Variants in ARIH1 observed in about 807,000 individuals in gnomAD.
ARIH1 encodes E3 ubiquitin-protein ligase ARIH1.
A neutral mutation model predicts 85.0 loss-of-function variants in ARIH1; 8 were observed. The ratio of observed to expected loss-of-function variants is 0.09; its 90% confidence interval spans 0.06 to 0.17. The LOEUF is 0.17. ARIH1 is among the 10% of genes least tolerant of loss of function. The pLI, the probability that ARIH1 is intolerant of heterozygous loss-of-function variation, is 1.00. For missense variants in ARIH1, 311 were observed against 718.1 expected (o/e 0.43, Z 6.48); for synonymous variants, 238 against 253.6 (o/e 0.94, Z 0.59).
In ARIH1 at chr15:72,587,341, T is replaced by C. The variant is rs1219750151; in HGVS notation, c.*4049T>C. 4.2e-6 allele frequency: 2 copies of C among 481,642 alleles called. No homozygotes were observed. The highest frequency in any genetic ancestry group is 8.6e-6 in the Non-Finnish European group (2 of 231,602). 29.8% of individuals were successfully genotyped at this position (481,642 alleles called of 1,614,324 possible). ...TACTTTTAAACCACATTAAAGACTA[T>C]TATAAATGCCTATCACTGCTACTGT... is the stretch of plus-strand genomic sequence containing the variant. On this transcript the variant is annotated 3_prime_UTR_variant, in exon 14 of 14. Coordinates refer to ENST00000379887, the MANE Select transcript of ARIH1 (RefSeq NM_005744.5).
intron 2 of ARIH1, among the ~76,000 whole-genome samples, chr15:72,521,596 G>C (rs2064000424): frequency 6.6e-6 from 1 of 151,842 alleles, no homozygotes; most frequent in Non-Finnish European, 1.5e-5. Context: ...CAGGCTGGAG[G>C]GAGTGCAAGT....
chr15:72,577,324 A>G (rs964021814), intron 11 of ARIH1, among the ~76,000 whole-genome samples: 1 of 152,120 alleles, frequency 6.6e-6, no homozygotes, highest in Admixed American at 6.6e-5. Flanking sequence ...ATGCTAGGAA[A>G]AAAGTTATTT....
chr15:72,533,341 G>T (rs910023842), intron 2 of ARIH1, among the ~76,000 whole-genome samples: 1 of 152,198 alleles, frequency 6.6e-6, no homozygotes, highest in Non-Finnish European at 1.5e-5. Flanking sequence ...TGTTGGCCAG[G>T]CTGGTCTTGA....
At chr15:72,555,806 T>A in intron 4 of ARIH1, 46 bp from the exon 5 acceptor site, 1 of 1,540,766 alleles carries the variant, frequency 6.5e-7, no homozygotes, top group Non-Finnish European at 9.0e-7. Context: ...AAGCATTCAT[T>A]AAATATTTGT....
At chr15:72,497,449 A>G (rs986683446) in intron 1 of ARIH1, among the ~76,000 whole-genome samples, 5 of 76,502 alleles carry the variant, frequency 6.5e-5, no homozygotes, top group African/African-American at 2.6e-5. Flanking sequence ...TATAATAGCA[A>G]TTTCTGGCTT....
intron 3 of ARIH1, among the ~76,000 whole-genome samples, chr15:72,551,743 C>A (rs1317235209): frequency 6.6e-6 from 1 of 152,128 alleles, no homozygotes; most frequent in African/African-American, 2.4e-5. Context: ...ATTTCCCCTA[C>A]TTATAAATGG....
chr15:72,560,045 C>A (rs1049447553), intron 5 of ARIH1, among the ~76,000 whole-genome samples: 1 of 152,098 alleles, frequency 6.6e-6, no homozygotes, highest in African/African-American at 2.4e-5. Context: ...CTATGTTTAA[C>A]TTTTTGAGGA....
At position 72,591,120 on chromosome 15, in the gene ARIH1, G is replaced by C. The variant is rs2064341177; in HGVS notation, c.*7828G>C. ...GCCTGTAATTCCAGCTGCTCGGAAGGCTGAGGCAGGAGAATCGCTTGAACG... is the reference window on the plus strand; with the variant it reads ...GCCTGTAATTCCAGCTGCTCGGAAGCCTGAGGCAGGAGAATCGCTTGAACG... On this transcript the variant is annotated 3_prime_UTR_variant, in exon 14 of 14. Transcript: ENST00000379887. 1 of 151,232 alleles carries C rather than the reference G, an allele frequency of 6.6e-6. No individual in the cohort carries two copies. The highest frequency in any genetic ancestry group is 2.4e-5 in the African/African-American group (1 of 41,060). 9.4% of individuals were successfully genotyped at this position (151,232 alleles called of 1,614,324 possible). A position where few individuals can be genotyped will look rare whatever the true frequency, so the allele number is the denominator to read the frequency against.
In ARIH1 at chr15:72,555,854, T is replaced by C. The variant is rs768369523; in HGVS notation, c.684T>C (p.Thr228=). Reference sequence around the variant, plus strand: ...GTTTAAATTTCAATCTTTTTCAGACTATTTCGTGTCCTGCTCATGGTTGTG... The same window carrying C: ...GTTTAAATTTCAATCTTTTTCAGACCATTTCGTGTCCTGCTCATGGTTGTG... ...TKIMEEGMGQ[T]ISCPAHGCDI... is the part of the protein sequence containing the mutation. The change falls in exon 5 of 14, where the codon ACT becomes ACC. Residue 228 remains threonine, a splice_region_variant and synonymous_variant. Transcript: ENST00000379887. 1 of 1,612,666 alleles carries C rather than the reference T, an allele frequency of 6.2e-7. No homozygotes were observed. Among genetic ancestry groups the C allele is most frequent in the East Asian group, 2.2e-5 (1 of 44,834 alleles).
intron 11 of ARIH1, 40 bp from the exon 12 acceptor site, chr15:72,580,691 G>A (rs1398868663): frequency 1.3e-6 from 2 of 1,567,192 alleles, no homozygotes; most frequent in Non-Finnish European, 8.7e-7. Context: ...TACAGTTTAT[G>A]TGTTATAATT....
rs547327135 is a variant in ARIH1, at chr15:72,535,169, T to G, written c.444-9651T>G. On this transcript the variant is annotated intron_variant, in intron 2 of 13. Transcript: ENST00000379887. ...GGTTTCACCGTGTTAGCCAGGATGGTCTCGAACTCCTGACCTCGTGATCCA... is the reference window on the plus strand; with the variant it reads ...GGTTTCACCGTGTTAGCCAGGATGGGCTCGAACTCCTGACCTCGTGATCCA... 2.2e-4 allele frequency among the ~76,000 whole-genome samples: 33 copies of G among 151,570 alleles called. 1 individual carries two copies. In the Middle Eastern group the frequency reaches 0.01, roughly 47 times the overall value.
chr15:72,487,106 GT>G (rs2063840824), intron 1 of ARIH1, among the ~76,000 whole-genome samples: 1 of 151,904 alleles, frequency 6.6e-6, no homozygotes, highest in Non-Finnish European at 1.5e-5. Context: ...AAATATTGTT[GT>G]GTAGTATTGT....
At chr15:72,478,845 T>C (rs562710533) in intron 1 of ARIH1, among the ~76,000 whole-genome samples, 22 of 152,218 alleles carry the variant, frequency 1.4e-4, no homozygotes, top group African/African-American at 4.8e-4. Flanking sequence ...AATCAAAAAA[T>C]CAGAAATGCT....
At chr15:72,577,693 A>G (rs1414244350) in intron 11 of ARIH1, among the ~76,000 whole-genome samples, 2 of 151,980 alleles carry the variant, frequency 1.3e-5, no homozygotes, top group East Asian at 3.9e-4. Flanking sequence ...ACAAACAAAC[A>G]AAAAAACGGA....
chr15:72,529,074 C>T (rs963725338), intron 2 of ARIH1, among the ~76,000 whole-genome samples: 1 of 152,070 alleles, frequency 6.6e-6, no homozygotes, highest in African/African-American at 2.4e-5. Context: ...GTGATGGGCT[C>T]ACGTAGTCCC....
At chr15:72,563,843 T>C (rs763096228) in intron 7 of ARIH1, among the ~76,000 whole-genome samples, 1 of 152,198 alleles carries the variant, frequency 6.6e-6, no homozygotes. Context: ...ATTTTAACCT[T>C]ACTTATGCAA....
At chr15:72,483,699 C>A (rs1182541117) in intron 1 of ARIH1, among the ~76,000 whole-genome samples, 2 of 151,988 alleles carry the variant, frequency 1.3e-5, no homozygotes, top group Non-Finnish European at 2.9e-5. Context: ...AAACATTATA[C>A]CTGTAAATGA....
chr15:72,575,655 TAAGTC>T (rs1567360375), intron 11 of ARIH1, among the ~76,000 whole-genome samples: 1 of 151,946 alleles, frequency 6.6e-6, no homozygotes, highest in African/African-American at 2.4e-5. Flanking sequence ...ATTCTTAGAT[TAAGTC>T]AAGTCCCATA....
Position 72,589,515 on chromosome 15 carries a change from T to C in ARIH1, c.*6223T>C, listed in dbSNP as rs1330580976. ...ATCATTCTCTTACAGCTCTTACTGCTGCTTTTCCTGTCAGTTACCCCATAG... is the reference window on the plus strand; with the variant it reads ...ATCATTCTCTTACAGCTCTTACTGCCGCTTTTCCTGTCAGTTACCCCATAG... On this transcript the variant is annotated 3_prime_UTR_variant, in exon 14 of 14. Transcript: ENST00000379887. 1 of 152,246 alleles carries C rather than the reference T, an allele frequency of 6.6e-6. No homozygotes were observed. Among genetic ancestry groups the C allele is most frequent in the Non-Finnish European group, 1.5e-5 (1 of 68,050 alleles). 9.4% of individuals were successfully genotyped at this position (152,246 alleles called of 1,614,324 possible). A position where few individuals can be genotyped will look rare whatever the true frequency, so the allele number is the denominator to read the frequency against.
Sources: allele counts gnomAD v4.1 joint callset (sites outside exome capture counted in the v4.1 genomes callset), GRCh38; gene constraint gnomAD v4.1.1; transcripts MANE v1.5; gene names NCBI Gene and HGNC (gene_info 2026-07-23, HGNC 2026-07-21).